The following RABGAP1L variants were observed in gnomAD, a reference collection of about 807,000 sequenced individuals.
The protein encoded by RABGAP1L is rab GTPase-activating protein 1-like.
RABGAP1L carries 63 observed loss-of-function variants against 137.7 expected under a neutral mutation model. The observed-to-expected ratio is 0.46, with a 90% CI of 0.37 to 0.56. RABGAP1L has a LOEUF of 0.56. Among genes scored for constraint, RABGAP1L ranks in the 20% least tolerant of loss-of-function variants. The pLI is 0.00. For missense variants in RABGAP1L, 1,095 were observed against 1,244.0 expected, an observed-to-expected ratio of 0.88 and a Z score of 1.80; for synonymous variants, 431 against 433.7, an observed-to-expected ratio of 0.99 and a Z score of 0.08.
intron 19 of RABGAP1L, among the ~76,000 whole-genome samples, chr1:174,899,868 A>G (rs1471744637): frequency 6.6e-6 from 1 of 152,086 alleles, no homozygotes; most frequent in Admixed American, 6.6e-5. Flanking sequence ...TATAACTAGA[A>G]TGGAAGTCAG....
chr1:174,858,489 C>G (rs1292709140), intron 19 of RABGAP1L, among the ~76,000 whole-genome samples: 1 of 152,132 alleles, frequency 6.6e-6, no homozygotes, highest in Non-Finnish European at 1.5e-5. Context: ...TTTAAATGCA[C>G]AGGATAGCTC....
At position 174,323,771 on chromosome 1, in the gene RABGAP1L, G is replaced by T. The variant is rs75900402; in HGVS notation, c.1465+18644G>T. 3.8e-3 allele frequency among the ~76,000 whole-genome samples: 584 copies of T among 152,164 alleles called. 6 individuals carry two copies. Among genetic ancestry groups the T allele is most frequent in the African/African-American group, 0.014 (566 of 41,542 alleles). On this transcript the variant is annotated intron_variant, in intron 11 of 25. Coordinates refer to ENST00000681986, the MANE Select transcript of RABGAP1L (RefSeq NM_001366446.1). Reference sequence around the variant, plus strand: ...TCAGTTGTAGAAAAATCTACAACTGGAAACCAAAATATTCTCTTCAAAATG... The same window carrying T: ...TCAGTTGTAGAAAAATCTACAACTGTAAACCAAAATATTCTCTTCAAAATG...
At chr1:174,228,636 G>A (rs998402262) in intron 3 of RABGAP1L, among the ~76,000 whole-genome samples, 1 of 152,132 alleles carries the variant, frequency 6.6e-6, no homozygotes, top group Non-Finnish European at 1.5e-5. Context: ...GAAGAACATG[G>A]TAGATGAAGT....
At chr1:174,566,361 G>T (rs1175278318) in intron 13 of RABGAP1L, among the ~76,000 whole-genome samples, 2 of 152,078 alleles carry the variant, frequency 1.3e-5, no homozygotes, top group Non-Finnish European at 2.9e-5. Context: ...CTTGTTGGAT[G>T]CTATAGGGAG....
chr1:174,447,529 C>T (rs890298575), intron 13 of RABGAP1L, among the ~76,000 whole-genome samples: 3 of 152,110 alleles, frequency 2.0e-5, no homozygotes, highest in Non-Finnish European at 2.9e-5. Flanking sequence ...TTTTTCTTAG[C>T]TTTTCAACCA....
Position 174,990,780 on chromosome 1 carries a change from A to G in RABGAP1L, c.*779A>G, listed in dbSNP as rs1457875371. The G allele has an allele frequency of 6.6e-6, 1 of 152,210 alleles. No homozygotes were observed. Among genetic ancestry groups the G allele is most frequent in the East Asian group, 1.9e-4 (1 of 5,202 alleles). The allele number at this position is 152,210 out of a possible 1,614,324, so 9.4% of individuals were successfully genotyped here. ...GACACAGATGTGACTTCTGGCAATTATAAAGTTAAAGGTGGATATTGCACC... is the reference window on the plus strand; with the variant it reads ...GACACAGATGTGACTTCTGGCAATTGTAAAGTTAAAGGTGGATATTGCACC... On this transcript the variant is annotated 3_prime_UTR_variant, in exon 26 of 26. Coordinates refer to ENST00000681986, the MANE Select transcript of RABGAP1L (RefSeq NM_001366446.1).
chr1:174,315,930 CT>C (rs1172859144), intron 11 of RABGAP1L, among the ~76,000 whole-genome samples: 1 of 152,038 alleles, frequency 6.6e-6, no homozygotes, highest in Non-Finnish European at 1.5e-5. Flanking sequence ...GTTTCTTATT[CT>C]TTTTCTTTTT....
chr1:174,307,456 C>T lies in RABGAP1L; in HGVS notation c.1465+2329C>T, dbSNP rs1455640596. On this transcript the variant is annotated intron_variant, in intron 11 of 25. Transcript: ENST00000681986. Reference sequence around the variant, plus strand: ...ATTATACCTATTAAGCAGTCACTCTCTGTTCTCCCCTTTCCCTTCCCCCTG... The same window carrying T: ...ATTATACCTATTAAGCAGTCACTCTTTGTTCTCCCCTTTCCCTTCCCCCTG... Among the ~76,000 whole-genome samples, 5 of 152,166 alleles carry T rather than the reference C, an allele frequency of 3.3e-5. 1 individual carries two copies. The highest frequency in any genetic ancestry group is 3.3e-4 in the Admixed American group (5 of 15,266).
In RABGAP1L at chr1:174,268,850, G is replaced by A. The variant is rs144313758; in HGVS notation, c.987-3564G>A. Among the ~76,000 whole-genome samples the A allele has an allele frequency of 9.3e-3, 1,413 of 152,110 alleles. 26 individuals are homozygous for A. Among genetic ancestry groups the A allele is most frequent in the African/African-American group, 0.033 (1,359 of 41,508 alleles). ...AAGGGAGAGCTTTCTCTTCTTAATGGTAATGGTAATTATAATAATTTATAA... is the reference window on the plus strand; with the variant it reads ...AAGGGAGAGCTTTCTCTTCTTAATGATAATGGTAATTATAATAATTTATAA... On this transcript the variant is annotated intron_variant, in intron 7 of 25. Transcript: ENST00000681986.
intron 13 of RABGAP1L, among the ~76,000 whole-genome samples, chr1:174,610,917 G>T (rs556216968): frequency 5.3e-5 from 8 of 151,960 alleles, no homozygotes; most frequent in Middle Eastern, 6.8e-3. Flanking sequence ...TTTTTTTCTT[G>T]TAAATTTGTT....
chr1:174,286,470 T>G (rs553140219), intron 10 of RABGAP1L, among the ~76,000 whole-genome samples: 2 of 152,168 alleles, frequency 1.3e-5, no homozygotes, highest in East Asian at 3.9e-4. Flanking sequence ...TTCTTGGCTA[T>G]TCTAGTTAAA....
intron 13 of RABGAP1L, among the ~76,000 whole-genome samples, chr1:174,629,411 G>T (rs1557924024): frequency 6.6e-6 from 1 of 152,180 alleles, no homozygotes; most frequent in Non-Finnish European, 1.5e-5. Context: ...ACCTTATTTA[G>T]TCTATAAAGT....
chr1:174,740,554 G>A (rs767359750), intron 17 of RABGAP1L, among the ~76,000 whole-genome samples: 3 of 152,126 alleles, frequency 2.0e-5, no homozygotes, highest in African/African-American at 4.8e-5. Flanking sequence ...ATATATGTGA[G>A]TTCTTTGATA....
chr1:174,886,914 C>A (rs952803913), intron 19 of RABGAP1L, among the ~76,000 whole-genome samples: 1 of 152,058 alleles, frequency 6.6e-6, no homozygotes. Flanking sequence ...TCAAGCAATC[C>A]TCTTGCCTCA....
At chr1:174,851,020 C>T (rs1257930488) in intron 19 of RABGAP1L, among the ~76,000 whole-genome samples, 2 of 152,190 alleles carry the variant, frequency 1.3e-5, no homozygotes, top group African/African-American at 4.8e-5. Context: ...CTGTCAAAAA[C>T]CTGAAAGAGG....
chr1:174,304,686 ATC>A (rs1210608347), intron 10 of RABGAP1L, among the ~76,000 whole-genome samples: 2 of 152,188 alleles, frequency 1.3e-5, no homozygotes, highest in Admixed American at 6.5e-5. Flanking sequence ...TCACTTGCTT[ATC>A]TGTCTGTCCT....
chr1:174,876,021 G>A (rs1258725389), intron 19 of RABGAP1L, among the ~76,000 whole-genome samples: 1 of 152,022 alleles, frequency 6.6e-6, no homozygotes, highest in Non-Finnish European at 1.5e-5. Flanking sequence ...CCTTCCTTGT[G>A]CTCGCTCTTA....
At chr1:174,862,806 A>G (rs1251462272) in intron 19 of RABGAP1L, among the ~76,000 whole-genome samples, 1 of 152,124 alleles carries the variant, frequency 6.6e-6, no homozygotes, top group Non-Finnish European at 1.5e-5. Context: ...TACTTATTTT[A>G]AATTTATATA....
In RABGAP1L at chr1:174,608,029, T is replaced by C. The variant is rs539380141; in HGVS notation, c.1711-29346T>C. Among the ~76,000 whole-genome samples the C allele has an allele frequency of 5.3e-5, 8 of 152,292 alleles. No individual in the cohort carries two copies. The South Asian group carries it at 1.2e-3, about 24-fold the overall frequency. ...GGCATTGATTATGGGAGTAGTTCCA[T>C]TGGATAACATTCTGCCTTACAATGG... On this transcript the variant is annotated intron_variant, in intron 13 of 25. Coordinates refer to ENST00000681986, the MANE Select transcript of RABGAP1L (RefSeq NM_001366446.1).
Sources: allele counts gnomAD v4.1 joint callset (sites outside exome capture counted in the v4.1 genomes callset), GRCh38; gene constraint gnomAD v4.1.1; transcripts MANE v1.5; gene names NCBI Gene and HGNC (gene_info 2026-07-23, HGNC 2026-07-21).